Variants in C9orf57 observed in about 807,000 individuals in gnomAD.
The protein encoded by C9orf57 is chromosome 9 open reading frame 57, also known as uncharacterized protein C9orf57.
C9orf57 carries 12 observed loss-of-function variants against 12.9 expected under a neutral mutation model. The ratio of observed to expected loss-of-function variants is 0.93; its 90% confidence interval spans 0.60 to 1.51. C9orf57 has a LOEUF of 1.51. Among genes scored for constraint, C9orf57 ranks in the 40% most tolerant of loss-of-function variants. The probability of loss-of-function intolerance (pLI) is 0.00; values close to 1 mark genes in which losing one functional copy is unlikely to be tolerated. For synonymous variants in C9orf57, 49 were observed against 57.1 expected (o/e 0.86, Z 0.64); for missense variants, 141 against 162.8 (o/e 0.87, Z 0.73).
chr9:72,054,510 G>A (rs144719467), intron 4 of C9orf57, among the ~76,000 whole-genome samples: 30 of 152,226 alleles, frequency 2.0e-4, no homozygotes, highest in East Asian at 1.7e-3. Flanking sequence ...ATGTCTGAGC[G>A]TTCCCATTTC....
At chr9:72,056,490 G>A (rs1218304322) in intron 3 of C9orf57, among the ~76,000 whole-genome samples, 2 of 151,802 alleles carry the variant, frequency 1.3e-5, no homozygotes, top group South Asian at 2.1e-4. Flanking sequence ...GAATGAGAAA[G>A]TATATAGATT....
chr9:72,055,966 T>C (rs1324517496), intron 4 of C9orf57, 108 bp downstream of exon 4: 1 of 1,170,254 alleles, frequency 8.5e-7, no homozygotes, highest in Admixed American at 2.7e-5. Context: ...TGGTGTAATG[T>C]AGCCCTGGCA....
Position 72,056,922 on chromosome 9 carries a change from T to G in C9orf57, c.98-79A>C, listed in dbSNP as rs902336100. 8 of 1,277,516 alleles carry G rather than the reference T, an allele frequency of 6.3e-6. No homozygotes were observed. The Admixed American group carries it at 1.7e-4, about 27-fold the overall frequency. 79.1% of individuals were successfully genotyped at this position (1,277,516 alleles called of 1,614,324 possible). On this transcript the variant is annotated intron_variant, in intron 2 of 4. Transcript: ENST00000651200. ...ACATATATATGTATACTTTTTTTTTTTTTTGAGACAGGGTTGCACTCCTGT... is the reference window on the plus strand; with the variant it reads ...ACATATATATGTATACTTTTTTTTTGTTTTGAGACAGGGTTGCACTCCTGT...
Position 72,052,082 on chromosome 9 carries a change from G to A in C9orf57, c.*214C>T, listed in dbSNP as rs1321860003. 4.0e-6 allele frequency: 2 copies of A among 503,818 alleles called. No individual in the cohort carries two copies. Among genetic ancestry groups the A allele is most frequent in the Non-Finnish European group, 7.0e-6 (2 of 286,494 alleles). 31.2% of individuals were successfully genotyped at this position (503,818 alleles called of 1,614,324 possible). A position where few individuals can be genotyped will look rare whatever the true frequency, so the allele number is the denominator to read the frequency against. On this transcript the variant is annotated 3_prime_UTR_variant, in exon 5 of 5. Coordinates refer to ENST00000651200, the MANE Select transcript of C9orf57 (RefSeq NM_001128618.2). ...AGAAGGAGGAGAGGAGAGAAATGGTGTTGAAAGGGCTATTTCTCAGATGAG... is the reference window on the plus strand; with the variant it reads ...AGAAGGAGGAGAGGAGAGAAATGGTATTGAAAGGGCTATTTCTCAGATGAG...
chr9:72,059,455 T>G, intron 1 of C9orf57, 71 bp from the exon 2 acceptor site: 1 of 1,461,856 alleles, frequency 6.8e-7, no homozygotes, highest in Non-Finnish European at 9.2e-7. Flanking sequence ...TAAGTTTTAT[T>G]GATTTCATTA....
intron 4 of C9orf57, among the ~76,000 whole-genome samples, chr9:72,055,658 T>G (rs1371846912): frequency 1.3e-5 from 2 of 152,084 alleles, no homozygotes; most frequent in African/African-American, 4.8e-5. Context: ...TATTTGGATT[T>G]TTATGTTTTG....
In C9orf57 at chr9:72,059,107, C is replaced by T. The variant is rs1824272001; in HGVS notation, c.97+128G>A. On this transcript the variant is annotated intron_variant, in intron 2 of 4. Coordinates refer to ENST00000651200, the MANE Select transcript of C9orf57 (RefSeq NM_001128618.2). ...GGTCAGGCTGGTCTTGAACTCCCGA[C>T]CTCAGACCTGATCCACCCGCCTCAG... 2.5e-6 allele frequency: 3 copies of T among 1,216,228 alleles called. No individual in the cohort carries two copies. In the South Asian group the frequency reaches 4.6e-5, roughly 19 times the overall value. 75.3% of individuals were successfully genotyped at this position (1,216,228 alleles called of 1,614,324 possible).
chr9:72,056,115 G>A lies in C9orf57; in HGVS notation c.239C>T (p.Ala80Val). 6.4e-7 allele frequency: 1 copy of A among 1,551,236 alleles called. No homozygotes were observed. Among genetic ancestry groups the A allele is most frequent in the Non-Finnish European group, 8.7e-7 (1 of 1,146,664 alleles). ...TTCTTTACAGTACTGACCAGGTTCT[G>A]CCTGGCAGGTTCCCAGGTCTAAAAG... Reference protein sequence around the residue: ...GCLLDLGTCQAEPGQYCKEEV... With the variant: ...GCLLDLGTCQVEPGQYCKEEV... The change falls in exon 4 of 5, where the codon GCA (alanine) becomes GTA (valine). Residue 80 changes from alanine (A) to valine (V), a missense_variant. By Grantham distance (64) the Ala-to-Val change is moderately conservative. Transcript: ENST00000651200.
At chr9:72,059,204 C>A in intron 2 of C9orf57, 31 bp downstream of exon 2, 2 of 1,550,838 alleles carry the variant, frequency 1.3e-6, no homozygotes, top group South Asian at 1.2e-5. Flanking sequence ...AATTTTCTAT[C>A]CTTTTAACTT....
intron 4 of C9orf57, 49 bp from the exon 5 acceptor site, chr9:72,052,484 T>C: frequency 4.6e-6 from 7 of 1,531,090 alleles, no homozygotes; most frequent in Non-Finnish European, 6.2e-6. Context: ...GTACAACCTA[T>C]GTGGCCTCAG....
chr9:72,060,370 T>A (rs1824309743), intron 1 of C9orf57, 127 bp downstream of exon 1: 1 of 634,940 alleles, frequency 1.6e-6, no homozygotes. Context: ...ATACTTTCAC[T>A]GCAAAAGACC....
intron 1 of C9orf57, 121 bp from the exon 2 acceptor site, chr9:72,059,505 T>C (rs1365242777): frequency 8.2e-7 from 1 of 1,218,572 alleles, no homozygotes; most frequent in African/African-American, 1.5e-5. Flanking sequence ...GGAGGAAAAA[T>C]AAGGTACCTG....
rs1824316042 is a variant in C9orf57 at position 72,060,575 on chromosome 9, T to A, written c.-132A>T. ...AAAGGATGAGAACGAGTACAATTTG[T>A]GATGTGATGAAGTCCGTTACAACTG... On this transcript the variant is annotated 5_prime_UTR_variant, in exon 1 of 5. Transcript: ENST00000651200. 1.3e-6 allele frequency: 2 copies of A among 1,542,576 alleles called. No individual in the cohort carries two copies. Among genetic ancestry groups the A allele is most frequent in the African/African-American group, 2.7e-5 (2 of 72,776 alleles).
chr9:72,060,511 A>C lies in C9orf57; in HGVS notation c.-68T>G. The C allele has an allele frequency of 1.3e-6, 2 of 1,501,984 alleles. No homozygotes were observed. The highest frequency in any genetic ancestry group is 1.8e-6 in the Non-Finnish European group (2 of 1,102,012). The allele number at this position is 1,501,984 out of a possible 1,614,324, so 93.0% of individuals were successfully genotyped here. Reference sequence around the variant, plus strand: ...TCATGACCTACCTATCTTTTTCATTAAGGTACTATGGAAATTTTCCTGGGT... The same window carrying C: ...TCATGACCTACCTATCTTTTTCATTCAGGTACTATGGAAATTTTCCTGGGT... On this transcript the variant is annotated 5_prime_UTR_variant, in exon 1 of 5. Coordinates refer to ENST00000651200, the MANE Select transcript of C9orf57 (RefSeq NM_001128618.2).
chr9:72,056,877 T>G (rs961751915), intron 2 of C9orf57, 34 bp from the exon 3 acceptor site: 1 of 1,515,984 alleles, frequency 6.6e-7, no homozygotes, highest in African/African-American at 1.4e-5. Context: ...ATTGAAAGAT[T>G]GCATGCTCTG....
intron 3 of C9orf57, among the ~76,000 whole-genome samples, chr9:72,056,568 T>C (rs1010701041): frequency 2.0e-5 from 3 of 152,008 alleles, no homozygotes; most frequent in Non-Finnish European, 4.4e-5. Flanking sequence ...TCATTAGCTA[T>C]GTGACTGTGC....
intron 2 of C9orf57, among the ~76,000 whole-genome samples, chr9:72,058,418 C>T (rs1354083916): frequency 6.6e-6 from 1 of 152,174 alleles, no homozygotes; most frequent in Non-Finnish European, 1.5e-5. Context: ...GCCTCAGCCT[C>T]CCAAAGTGCT....
intron 2 of C9orf57, among the ~76,000 whole-genome samples, chr9:72,057,478 G>A (rs4744656): frequency 6.6e-6 from 1 of 152,042 alleles, no homozygotes; most frequent in Non-Finnish European, 1.5e-5. Flanking sequence ...TACCCACCTC[G>A]GCCTCCCAGA....
intron 3 of C9orf57, 130 bp downstream of exon 3, chr9:72,056,654 T>C: frequency 1.1e-6 from 1 of 895,170 alleles, no homozygotes; most frequent in Non-Finnish European, 1.6e-6. Context: ...CCAGCTCTTT[T>C]CATTGTTTTG....
Sources: allele counts gnomAD v4.1 joint callset (sites outside exome capture counted in the v4.1 genomes callset), GRCh38; gene constraint gnomAD v4.1.1; transcripts MANE v1.5; gene names NCBI Gene and HGNC (gene_info 2026-07-23, HGNC 2026-07-21).